ANKRD29: variants seen among roughly 807,000 people sequenced by gnomAD.
The protein encoded by ANKRD29 is ankyrin repeat domain-containing protein 29.
Under a neutral mutation model 38.0 loss-of-function variants are expected in ANKRD29, and 32 were observed. The ratio of observed to expected loss-of-function variants is 0.84; its 90% CI spans 0.64 to 1.13. ANKRD29 has a LOEUF of 1.13. Among genes scored for constraint, ANKRD29 ranks in the 50% most tolerant of loss-of-function variants. The probability of loss-of-function intolerance (pLI) is 0.00; values close to 1 mark genes in which losing one functional copy is unlikely to be tolerated. For synonymous variants in ANKRD29, 135 were observed against 152.4 expected (o/e 0.89, Z 0.84); for missense variants, 357 against 377.9 (o/e 0.94, Z 0.46).
At chr18:23,604,903 C>T (rs1376666101) in intron 9 of ANKRD29, among the ~76,000 whole-genome samples, 1 of 152,104 alleles carries the variant, frequency 6.6e-6, no homozygotes, top group African/African-American at 2.4e-5. Flanking sequence ...TCCATTTCAT[C>T]ACACAGAATT....
chr18:23,657,329 C>CA (rs1481607861), intron 1 of ANKRD29, among the ~76,000 whole-genome samples: 1 of 152,226 alleles, frequency 6.6e-6, no homozygotes, highest in Non-Finnish European at 1.5e-5. Context: ...GCTAATTCCA[C>CA]AGCGAATGGA....
intron 1 of ANKRD29, among the ~76,000 whole-genome samples, chr18:23,655,967 C>T: frequency 6.7e-6 from 1 of 150,064 alleles, no homozygotes; most frequent in South Asian, 2.1e-4. Context: ...GTGGTGGGCG[C>T]CTGTAGTCCC....
At chr18:23,662,673 CG>C (rs2060382324) in intron 1 of ANKRD29, 36 bp downstream of exon 1, 1 of 1,432,778 alleles carries the variant, frequency 7.0e-7, no homozygotes. Context: ...CGCCCGAGCC[CG>C]GCCCCAGCCC....
At chr18:23,642,193 T>C (rs2060086683) in intron 3 of ANKRD29, among the ~76,000 whole-genome samples, 1 of 151,766 alleles carries the variant, frequency 6.6e-6, no homozygotes. Context: ...ACCCTGTTTA[T>C]AACACAAACA....
At chr18:23,610,898 T>G (rs1035061203) in intron 9 of ANKRD29, among the ~76,000 whole-genome samples, 2 of 151,802 alleles carry the variant, frequency 1.3e-5, no homozygotes, top group Middle Eastern at 3.4e-3. Context: ...CAGGCTGGTC[T>G]TGAACTCCTG....
intron 6 of ANKRD29, among the ~76,000 whole-genome samples, chr18:23,623,954 T>A (rs547783624): frequency 5.2e-4 from 79 of 152,036 alleles, no homozygotes; most frequent in African/African-American, 1.8e-3. Flanking sequence ...TTTTATATAT[T>A]TTTTTAAATT....
At chr18:23,611,359 C>T (rs990104247) in intron 9 of ANKRD29, among the ~76,000 whole-genome samples, 1 of 152,102 alleles carries the variant, frequency 6.6e-6, no homozygotes. Context: ...CTTTCTTCCT[C>T]GCCTCCACCA....
At chr18:23,605,657 G>T (rs1444431356) in intron 9 of ANKRD29, among the ~76,000 whole-genome samples, 1 of 152,004 alleles carries the variant, frequency 6.6e-6, no homozygotes, top group African/African-American at 2.4e-5. Context: ...CCCCTGAGTA[G>T]CTGGGATTAC....
At chr18:23,628,633 C>T (rs1393993616) in intron 6 of ANKRD29, among the ~76,000 whole-genome samples, 2 of 151,910 alleles carry the variant, frequency 1.3e-5, no homozygotes, top group South Asian at 2.1e-4. Context: ...GCCAGGAGTT[C>T]GAGACCAGCC....
At chr18:23,608,068 C>T (rs2059594993) in intron 9 of ANKRD29, among the ~76,000 whole-genome samples, 1 of 152,234 alleles carries the variant, frequency 6.6e-6, no homozygotes, top group Non-Finnish European at 1.5e-5. Flanking sequence ...AGCCTCCAAA[C>T]CATTCTTTAC....
chr18:23,619,678 A>G, intron 6 of ANKRD29, 49 bp from the exon 7 acceptor site: 2 of 1,471,462 alleles, frequency 1.4e-6, no homozygotes, highest in Non-Finnish European at 9.0e-7. Context: ...GCCCGGCCCC[A>G]CCCGCTCACA....
chr18:23,624,466 C>CAAAAAAAAAAAAAAAAAAAA (rs56005663), intron 6 of ANKRD29, among the ~76,000 whole-genome samples: 4 of 32,438 alleles, frequency 1.2e-4, no homozygotes, highest in East Asian at 7.9e-4. Flanking sequence ...GACTCCATCT[C>CAAAAAAAAAAAAAAAAAAAA]AAAAAAAAAA....
At chr18:23,655,811 T>C (rs1415017430) in intron 1 of ANKRD29, among the ~76,000 whole-genome samples, 4 of 140,092 alleles carry the variant, frequency 2.9e-5, no homozygotes, top group Non-Finnish European at 6.2e-5. Context: ...AAGATAATTC[T>C]GGCCGGGCGC....
chr18:23,617,683 T>C, intron 8 of ANKRD29, 49 bp downstream of exon 8: 1 of 1,534,860 alleles, frequency 6.5e-7, no homozygotes, highest in Non-Finnish European at 9.0e-7. Flanking sequence ...GAGGACTTAC[T>C]TTCTAACCTC....
intron 2 of ANKRD29, chr18:23,647,385 G>T (rs1358309236): frequency 6.6e-6 from 1 of 152,218 alleles, no homozygotes; most frequent in Non-Finnish European, 1.5e-5. Flanking sequence ...TTCAATGTTA[G>T]GCTGTCATCT....
intron 9 of ANKRD29, among the ~76,000 whole-genome samples, chr18:23,610,255 A>G (rs957774965): frequency 6.6e-6 from 1 of 152,192 alleles, no homozygotes; most frequent in African/African-American, 2.4e-5. Context: ...AGGGGGGCGG[A>G]TCACAAGGTC....
rs372722114 is a variant in ANKRD29 at position 23,634,078 on chromosome 18, G to T, written c.402C>A (p.His134Gln). ...AAAGTTGGTCATGGATGTTTGCTCC[G>T]TGCTTCAGCAAGGTCTCCACCACCT... ...HMQVVETLLK[H>Q]GANIHDQLYD... Residue 134 changes from histidine (H) to glutamine (Q), a missense_variant, in exon 5 of 10, where the codon CAC becomes CAA. By Grantham distance (24) the His-to-Gln change is conservative. Coordinates refer to ENST00000592179, the MANE Select transcript of ANKRD29 (RefSeq NM_173505.4). 6.2e-7 allele frequency: 1 copy of T among 1,614,094 alleles called. No individual in the cohort carries two copies. Among genetic ancestry groups the T allele is most frequent in the Non-Finnish European group, 8.5e-7 (1 of 1,180,012 alleles).
At chr18:23,615,866 TTACTC>T (rs1403795262) in intron 8 of ANKRD29, among the ~76,000 whole-genome samples, 1 of 148,488 alleles carries the variant, frequency 6.7e-6, no homozygotes, top group African/African-American at 2.5e-5. Flanking sequence ...ACATAAATAT[TTACTC>T]TATAGTATAT....
intron 8 of ANKRD29, among the ~76,000 whole-genome samples, chr18:23,615,717 G>A (rs554180868): frequency 3.6e-4 from 54 of 151,982 alleles, no homozygotes; most frequent in Non-Finnish European, 7.7e-4. Context: ...GGGCCTTTTT[G>A]TTGTATTTTC....
Sources: allele counts gnomAD v4.1 joint callset (sites outside exome capture counted in the v4.1 genomes callset), GRCh38; gene constraint gnomAD v4.1.1; transcripts MANE v1.5; gene names NCBI Gene and HGNC (gene_info 2026-07-23, HGNC 2026-07-21).